Variants in LAMA2 observed in about 807,000 individuals in gnomAD.
The protein encoded by LAMA2 is laminin subunit alpha-2.
In LAMA2, 269 loss-of-function variants were observed where a neutral mutation model predicts 364.8. That is an observed-to-expected ratio of 0.74 (90% CI 0.67 to 0.82). The LOEUF (loss-of-function observed/expected upper bound fraction) is 0.82. Among genes scored for constraint, LAMA2 ranks in the 40% least tolerant of loss-of-function variants. LAMA2 has a pLI of 0.00. For synonymous variants in LAMA2, 1,379 were observed against 1,370.6 expected, an observed-to-expected ratio of 1.01 and a Z score of -0.14; for missense variants, 3,807 against 3,873.2, an observed-to-expected ratio of 0.98 and a Z score of 0.45.
chr6:129,419,849 G>A (rs1010793735), intron 40 of LAMA2, among the ~76,000 whole-genome samples: 4 of 151,928 alleles, frequency 2.6e-5, no homozygotes, highest in African/African-American at 4.8e-5. Context: ...GACCAAAGCC[G>A]TCTCTTTGGG....
At chr6:128,937,270 A>AT (rs532515802) in intron 1 of LAMA2, among the ~76,000 whole-genome samples, 283 of 152,032 alleles carry the variant, frequency 1.9e-3, no homozygotes, top group African/African-American at 6.5e-3. Flanking sequence ...ATTTGCTAGT[A>AT]TTTTTTTGAG....
At chr6:129,501,098 A>G (rs1785594689) in intron 58 of LAMA2, among the ~76,000 whole-genome samples, 1 of 152,194 alleles carries the variant, frequency 6.6e-6, no homozygotes, top group East Asian at 1.9e-4. Context: ...GAAGACTGCA[A>G]GCTGCGTGTG....
chr6:129,453,091 T>C lies in LAMA2; in HGVS notation c.6533T>C (p.Val2178Ala), dbSNP rs1230839095. The C allele has an allele frequency of 6.2e-7, 1 of 1,612,962 alleles. No homozygotes were observed. The highest frequency in any genetic ancestry group is 8.5e-7 in the Non-Finnish European group (1 of 1,179,420). ...ATTGTTGTCAACGTAAAGACAGCTGTTGCTGATAACCTCCTCTTTTATCTT... is the reference window on the plus strand; with the variant it reads ...ATTGTTGTCAACGTAAAGACAGCTGCTGCTGATAACCTCCTCTTTTATCTT... ...NNIVVNVKTA[V>A]ADNLLFYLGS... The change falls in exon 46 of 65, where the codon GTT becomes GCT. Residue 2178 changes from valine to alanine, a missense_variant. By Grantham distance (64) the Val-to-Ala change is moderately conservative (BLOSUM62 0). Coordinates refer to ENST00000421865, the MANE Select transcript of LAMA2 (RefSeq NM_000426.4).
intron 1 of LAMA2, among the ~76,000 whole-genome samples, chr6:128,990,393 G>A (rs1387552500): frequency 6.6e-6 from 1 of 152,166 alleles, no homozygotes; most frequent in Admixed American, 6.5e-5. Context: ...TCATAAATGT[G>A]TACCTAACAA....
At chr6:129,320,314 C>T (rs1034615545) in intron 27 of LAMA2, among the ~76,000 whole-genome samples, 4 of 151,940 alleles carry the variant, frequency 2.6e-5, no homozygotes, top group East Asian at 1.9e-4. Context: ...GGGTAGCAGA[C>T]GTGGAAGAAA....
chr6:128,983,913 C>A (rs936981234), intron 1 of LAMA2, among the ~76,000 whole-genome samples: 4 of 152,150 alleles, frequency 2.6e-5, no homozygotes, highest in African/African-American at 4.8e-5. Context: ...GGATTTGGAT[C>A]AGGTCAAGGT....
At position 129,192,729 on chromosome 6, in the gene LAMA2, G is replaced by C. The variant is rs969938145; in HGVS notation, c.1658G>C (p.Arg553Pro). The C allele has an allele frequency of 2.5e-6, 4 of 1,614,104 alleles. No individual in the cohort carries two copies. The highest frequency in any genetic ancestry group is 1.3e-5 in the African/African-American group (1 of 75,026). ...CTGACTGACCTTCCTGGCCGCATTC[G>C]AGTGGCTCCCCAGCAGGACGACTTG... ...WYLTDLPGRI[R>P]VAPQQDDLDS... The change falls in exon 12 of 65, where the codon CGA becomes CCA. Residue 553 changes from arginine (R) to proline (P), a missense_variant. This residue lies in a region of LAMA2 where 3,333 missense variants were observed against 3,345.7 expected (regional missense o/e 1.00). Coordinates refer to ENST00000421865, the MANE Select transcript of LAMA2 (RefSeq NM_000426.4).
chr6:129,065,109 A>C (rs1789206039), intron 3 of LAMA2, among the ~76,000 whole-genome samples: 1 of 152,232 alleles, frequency 6.6e-6, no homozygotes, highest in Non-Finnish European at 1.5e-5. Context: ...AACCTTTGCA[A>C]ATCTATAAAT....
chr6:129,344,921 G>C (rs968430706), intron 30 of LAMA2, among the ~76,000 whole-genome samples: 2 of 152,166 alleles, frequency 1.3e-5, no homozygotes, highest in Non-Finnish European at 2.9e-5. Context: ...GAAAAGAAAG[G>C]CTTTACTGCA....
intron 1 of LAMA2, among the ~76,000 whole-genome samples, chr6:129,017,290 G>A (rs948534139): frequency 6.6e-6 from 1 of 151,358 alleles, no homozygotes; most frequent in African/African-American, 2.4e-5. Context: ...TTCTATTTTT[G>A]TGAGGCACTA....
At chr6:129,264,324 T>C (rs1320440785) in intron 15 of LAMA2, among the ~76,000 whole-genome samples, 3 of 152,062 alleles carry the variant, frequency 2.0e-5, no homozygotes, top group Non-Finnish European at 4.4e-5. Flanking sequence ...GATGACCAGT[T>C]TGAATGATTG....
At chr6:128,919,251 G>A (rs190836120) in intron 1 of LAMA2, among the ~76,000 whole-genome samples, 345 of 152,288 alleles carry the variant, frequency 2.3e-3, no homozygotes, top group African/African-American at 7.9e-3. Context: ...TTATGTATGA[G>A]CCATATACAA....
At chr6:129,038,327 T>G (rs1786813167) in intron 1 of LAMA2, among the ~76,000 whole-genome samples, 1 of 152,210 alleles carries the variant, frequency 6.6e-6, no homozygotes, top group South Asian at 2.1e-4. Context: ...TATCCTAATC[T>G]TTCTATCTTC....
chr6:129,315,394 T>G, intron 24 of LAMA2, 82 bp from the exon 25 acceptor site: 4 of 1,225,768 alleles, frequency 3.3e-6, no homozygotes, highest in Non-Finnish European at 4.8e-6. Flanking sequence ...GAACTGCAGA[T>G]AGACATGCAG....
At chr6:129,360,064 G>C (rs1417936540) in intron 32 of LAMA2, among the ~76,000 whole-genome samples, 3 of 152,086 alleles carry the variant, frequency 2.0e-5, no homozygotes, top group Non-Finnish European at 4.4e-5. Flanking sequence ...TATAATCATG[G>C]TCTTGAAATA....
rs1199840373 is a variant in LAMA2 at position 129,050,058 on chromosome 6, A to G, written c.253A>G (p.Ile85Val). The change falls in exon 2 of 65, where the codon ATC (isoleucine) becomes GTC (valine). Residue 85 changes from isoleucine (I) to valine (V), a missense_variant. By Grantham distance (29) the Ile-to-Val change is conservative. This residue lies in a region of LAMA2 where 394 missense variants were observed against 403.5 expected (regional missense o/e 0.98). Coordinates refer to ENST00000421865, the MANE Select transcript of LAMA2 (RefSeq NM_000426.4). ...GCCTGTGAGGAACCCGCAGTGTCGAATCTGCAATCAAAACAGCAGCAATCC... is the reference window on the plus strand; with the variant it reads ...GCCTGTGAGGAACCCGCAGTGTCGAGTCTGCAATCAAAACAGCAGCAATCC... ...GQPVRNPQCR[I>V]CNQNSSNPNQ... is the part of the protein sequence containing the mutation. The G allele has an allele frequency of 1.2e-6, 2 of 1,614,094 alleles. No individual in the cohort carries two copies. Among genetic ancestry groups the G allele is most frequent in the Non-Finnish European group, 1.7e-6 (2 of 1,180,038 alleles).
At chr6:129,200,174 A>C (rs1490871852) in intron 12 of LAMA2, among the ~76,000 whole-genome samples, 1 of 147,822 alleles carries the variant, frequency 6.8e-6, no homozygotes, top group Non-Finnish European at 1.5e-5. Flanking sequence ...ATACGTGTAC[A>C]CATATACATG....
At chr6:129,362,327 C>A (rs530976292) in intron 32 of LAMA2, among the ~76,000 whole-genome samples, 7 of 152,220 alleles carry the variant, frequency 4.6e-5, no homozygotes, top group African/African-American at 1.4e-4. Context: ...TTAATGTATT[C>A]TCCTGTTCCT....
chr6:129,381,956 C>T (rs1778715494), intron 34 of LAMA2, among the ~76,000 whole-genome samples: 1 of 152,124 alleles, frequency 6.6e-6, no homozygotes. Context: ...CTCTTGCTGC[C>T]CTTGGAAAAT....
Sources: allele counts gnomAD v4.1 joint callset (sites outside exome capture counted in the v4.1 genomes callset), GRCh38; gene constraint gnomAD v4.1.1; regional missense constraint gnomAD v4.1.1; transcripts MANE v1.5; gene names NCBI Gene and HGNC (gene_info 2026-07-23, HGNC 2026-07-21).